The following CSNK2A2IP variants were observed in gnomAD, a reference collection of about 807,000 sequenced individuals.
CSNK2A2IP encodes the protein casein kinase 2 subunit alpha' interacting protein, also known as casein kinase II subunit alpha'-interacting protein.
At chr3:88,357,789 C>T in the CSNK2A2IP span, among the ~76,000 whole-genome samples, 1 of 151,106 alleles carries the variant, frequency 6.6e-6, no homozygotes, top group African/African-American at 2.4e-5. Context: ...GGGTCTGGCT[C>T]TGTCACCCAG....
At chr3:88,344,832 T>C in the CSNK2A2IP span, among the ~76,000 whole-genome samples, 1 of 151,964 alleles carries the variant, frequency 6.6e-6, no homozygotes, top group South Asian at 2.1e-4. Flanking sequence ...ATTTCACTAG[T>C]TGACAGCAAT....
chr3:88,396,273 T>C, the CSNK2A2IP span, among the ~76,000 whole-genome samples: 1 of 151,342 alleles, frequency 6.6e-6, no homozygotes, highest in Non-Finnish European at 1.5e-5. Context: ...GCCCGGCTAA[T>C]TTTTTGTATT....
the CSNK2A2IP span, among the ~76,000 whole-genome samples, chr3:88,342,324 T>C: frequency 6.9e-3 from 1,053 of 152,172 alleles, 15 homozygotes; most frequent in African/African-American, 0.024. Flanking sequence ...AAACCTATCA[T>C]GGCCCACACC....
chr3:88,413,358 G>T, the CSNK2A2IP span, among the ~76,000 whole-genome samples: 1 of 151,810 alleles, frequency 6.6e-6, no homozygotes, highest in Non-Finnish European at 1.5e-5. Context: ...GAGAACTAAA[G>T]ATTCAAATGC....
chr3:88,364,294 G>A, the CSNK2A2IP span, among the ~76,000 whole-genome samples: 9 of 151,772 alleles, frequency 5.9e-5, no homozygotes, highest in East Asian at 3.9e-4. Context: ...TTTGGAGGGC[G>A]TATTGCTTCA....
the CSNK2A2IP span, among the ~76,000 whole-genome samples, chr3:88,355,879 CT>C: frequency 2.9e-3 from 442 of 152,092 alleles, 5 homozygotes; most frequent in African/African-American, 9.9e-3. Flanking sequence ...CAGAAATAAT[CT>C]TTTTATATTT....
At chr3:88,443,506 G>T in the CSNK2A2IP span, among the ~76,000 whole-genome samples, 2 of 152,176 alleles carry the variant, frequency 1.3e-5, no homozygotes, top group Non-Finnish European at 2.9e-5. Context: ...ACTGAAAACA[G>T]ATGCCAGCAA....
the CSNK2A2IP span, among the ~76,000 whole-genome samples, chr3:88,453,308 G>A: frequency 3.9e-5 from 6 of 152,064 alleles, no homozygotes; most frequent in African/African-American, 1.4e-4. Flanking sequence ...TAGATATTGA[G>A]AGTTTGGCAG....
At chr3:88,450,301 T>A in the CSNK2A2IP span, among the ~76,000 whole-genome samples, 1 of 152,192 alleles carries the variant, frequency 6.6e-6, no homozygotes, top group East Asian at 1.9e-4. Context: ...CATAGTTACT[T>A]TTTTTTGGCA....
chr3:88,431,732 T>C, the CSNK2A2IP span, among the ~76,000 whole-genome samples: 5 of 152,180 alleles, frequency 3.3e-5, no homozygotes, highest in Non-Finnish European at 7.3e-5. Flanking sequence ...TGGGCACAGG[T>C]CTTCTGCCAA....
chr3:88,343,962 A>G, the CSNK2A2IP span, among the ~76,000 whole-genome samples: 3 of 151,990 alleles, frequency 2.0e-5, no homozygotes, highest in Non-Finnish European at 4.4e-5. Flanking sequence ...AGATTTATTT[A>G]TAGGATGGCA....
chr3:88,340,090 G>C, the CSNK2A2IP span, among the ~76,000 whole-genome samples: 1 of 151,996 alleles, frequency 6.6e-6, no homozygotes, highest in Non-Finnish European at 1.5e-5. Context: ...TACCAAGAAA[G>C]AGCTTGGGTT....
chr3:88,463,364 T>C, the CSNK2A2IP span, among the ~76,000 whole-genome samples: 1 of 151,996 alleles, frequency 6.6e-6, no homozygotes, highest in African/African-American at 2.4e-5. Flanking sequence ...CTTTAAGAAG[T>C]AGCATAGGTC....
At chr3:88,461,520 T>A in the CSNK2A2IP span, among the ~76,000 whole-genome samples, 1 of 152,116 alleles carries the variant, frequency 6.6e-6, no homozygotes, top group South Asian at 2.1e-4. Context: ...GCCACTGCAC[T>A]CCAGCCTGGG....
chr3:88,365,074 G>T, the CSNK2A2IP span, among the ~76,000 whole-genome samples: 1 of 152,130 alleles, frequency 6.6e-6, no homozygotes, highest in African/African-American at 2.4e-5. Context: ...GTCTGATCCA[G>T]GATGTGGATC....
chr3:88,355,510 T>C, the CSNK2A2IP span, among the ~76,000 whole-genome samples: 1 of 152,170 alleles, frequency 6.6e-6, no homozygotes, highest in African/African-American at 2.4e-5. Flanking sequence ...TAAATGTCTT[T>C]GGTCACACCT....
chr3:88,407,255 A>G, the CSNK2A2IP span, among the ~76,000 whole-genome samples: 32 of 144,314 alleles, frequency 2.2e-4, no homozygotes, highest in Admixed American at 1.4e-3. Flanking sequence ...TTTTCCTAAT[A>G]TATGTTTTAG....
the CSNK2A2IP span, among the ~76,000 whole-genome samples, chr3:88,383,222 C>A: frequency 2.0e-4 from 31 of 152,212 alleles, no homozygotes; most frequent in African/African-American, 6.7e-4. Context: ...TGGGCACTAA[C>A]AAATTTCTTA....
the CSNK2A2IP span, among the ~76,000 whole-genome samples, chr3:88,449,880 G>C: frequency 7.4e-6 from 1 of 134,930 alleles, no homozygotes; most frequent in African/African-American, 2.8e-5. Flanking sequence ...TATATAGAGA[G>C]AGAGAGAGAG....
Sources: gnomAD v4.1 joint callset for allele counts (sites outside exome capture counted in the v4.1 genomes callset) on GRCh38, gnomAD v4.1.1 for gene constraint, MANE v1.5 for transcripts, NCBI Gene and HGNC (gene_info 2026-07-23, HGNC 2026-07-21) for gene names.